Variants in ASIC2 observed in about 807,000 individuals in gnomAD.
ASIC2 encodes the protein acid sensing ion channel subunit 2.
In ASIC2, 25 loss-of-function variants were observed where a neutral mutation model predicts 57.3. The ratio of observed to expected loss-of-function variants is 0.44; its 90% CI spans 0.32 to 0.61. The LOEUF is 0.61. Ranked by LOEUF, ASIC2 falls within the 20% of genes least tolerant of loss-of-function variation. The pLI, the probability that ASIC2 is intolerant of heterozygous loss-of-function variation, is 0.06. For synonymous variants in ASIC2, 319 were observed against 307.5 expected, an observed-to-expected ratio of 1.04 and a Z score of -0.39; for missense variants, 641 against 738.1, an observed-to-expected ratio of 0.87 and a Z score of 1.52.
intron 2 of ASIC2, among the ~76,000 whole-genome samples, chr17:33,089,411 G>C (rs773198433): frequency 2.0e-5 from 3 of 152,190 alleles, no homozygotes; most frequent in Non-Finnish European, 2.9e-5. Context: ...TTTTCCCCTA[G>C]AGCTGCCAAA....
At chr17:33,221,619 C>T (rs1180979717) in intron 1 of ASIC2, among the ~76,000 whole-genome samples, 1 of 152,146 alleles carries the variant, frequency 6.6e-6, no homozygotes, top group East Asian at 1.9e-4. Flanking sequence ...GAATTCACTC[C>T]TTTCAGATCT....
chr17:33,821,443 G>A (rs772603523), intron 1 of ASIC2, among the ~76,000 whole-genome samples: 40 of 152,096 alleles, frequency 2.6e-4, no homozygotes, highest in Non-Finnish European at 4.7e-4. Flanking sequence ...GAGGCTTGGC[G>A]CATTTTGATC....
chr17:33,021,163 CCCTCCCT>C, intron 7 of ASIC2, 49 bp downstream of exon 7: 2 of 541,106 alleles, frequency 3.7e-6, no homozygotes, highest in African/African-American at 1.9e-5. Flanking sequence ...TGTGCATCCT[CCCTCCCT>C]CCCACCCTCT....
At position 34,096,607 on chromosome 17, in the gene ASIC2, C is replaced by T. The variant is rs138200962; in HGVS notation, c.555+59371G>A. Among the ~76,000 whole-genome samples, 7 of 152,120 alleles carry T rather than the reference C, an allele frequency of 4.6e-5. No homozygotes were observed. In the East Asian group the frequency reaches 1.4e-3, roughly 29 times the overall value. Reference sequence around the variant, plus strand: ...CCGGGCATGGTGGCTGTAATGCCAGCACTTTGGGAGGCCCAGGCAGGCGGA... The same window carrying T: ...CCGGGCATGGTGGCTGTAATGCCAGTACTTTGGGAGGCCCAGGCAGGCGGA... On this transcript the variant is annotated intron_variant, in intron 1 of 9. Coordinates refer to the ASIC2 transcript ENST00000359872.
intron 1 of ASIC2, among the ~76,000 whole-genome samples, chr17:33,782,588 G>C (rs1024288129): frequency 6.6e-6 from 1 of 152,048 alleles, no homozygotes; most frequent in Non-Finnish European, 1.5e-5. Context: ...AATTAGCTGG[G>C]CTTGGCGGCA....
chr17:33,288,291 G>A (rs917155381), intron 1 of ASIC2, among the ~76,000 whole-genome samples: 1 of 152,124 alleles, frequency 6.6e-6, no homozygotes, highest in African/African-American at 2.4e-5. Flanking sequence ...CCCCAGAGCT[G>A]CCTGTTGAGC....
intron 1 of ASIC2, among the ~76,000 whole-genome samples, chr17:33,334,412 TCTC>T (rs1480195578): frequency 1.3e-5 from 2 of 152,166 alleles, no homozygotes; most frequent in African/African-American, 2.4e-5. Flanking sequence ...TGCCTCCTCT[TCTC>T]CTACTTCTCT....
chr17:33,578,403 C>T (rs1354069901), intron 1 of ASIC2, among the ~76,000 whole-genome samples: 4 of 152,142 alleles, frequency 2.6e-5, no homozygotes, highest in South Asian at 2.1e-4. Flanking sequence ...TCTAAAATCT[C>T]TTCAGGCTCT....
intron 1 of ASIC2, among the ~76,000 whole-genome samples, chr17:33,155,560 C>T (rs1337040659): frequency 8.4e-5 from 10 of 118,902 alleles, no homozygotes; most frequent in South Asian, 2.7e-4. Flanking sequence ...TTCTTTCTTT[C>T]TTTCTTTTTT....
intron 1 of ASIC2, among the ~76,000 whole-genome samples, chr17:33,530,859 G>C (rs1286987627): frequency 6.6e-6 from 1 of 152,118 alleles, no homozygotes; most frequent in Non-Finnish European, 1.5e-5. Flanking sequence ...AAAGGTTTTC[G>C]AGTTCCTGCT....
chr17:33,602,567 A>G (rs1234723071), intron 1 of ASIC2, among the ~76,000 whole-genome samples: 6 of 152,202 alleles, frequency 3.9e-5, no homozygotes, highest in Admixed American at 3.9e-4. Flanking sequence ...TAAATTACCC[A>G]GTCTGTGGTA....
At chr17:33,093,126 A>G (rs2092164265) in intron 2 of ASIC2, among the ~76,000 whole-genome samples, 3 of 152,236 alleles carry the variant, frequency 2.0e-5, no homozygotes, top group African/African-American at 4.8e-5. Context: ...ATGAAAATGC[A>G]GGACCCCTTG....
At chr17:33,342,469 G>C (rs1263217557) in intron 1 of ASIC2, among the ~76,000 whole-genome samples, 1 of 152,060 alleles carries the variant, frequency 6.6e-6, no homozygotes, top group African/African-American at 2.4e-5. Flanking sequence ...CATGCATGTG[G>C]TATGTATATG....
chr17:33,886,282 A>G (rs1399135013), intron 1 of ASIC2, among the ~76,000 whole-genome samples: 2 of 151,974 alleles, frequency 1.3e-5, no homozygotes, highest in East Asian at 3.9e-4. Flanking sequence ...ATCACATCTC[A>G]TTGGCCAAGG....
chr17:33,597,349 C>T (rs922490885), intron 1 of ASIC2, among the ~76,000 whole-genome samples: 2 of 152,162 alleles, frequency 1.3e-5, no homozygotes, highest in African/African-American at 4.8e-5. Flanking sequence ...CTCCAAGTCT[C>T]TTTCTCTTAG....
chr17:33,149,323 G>A (rs947867428), intron 1 of ASIC2, among the ~76,000 whole-genome samples: 4 of 152,068 alleles, frequency 2.6e-5, no homozygotes, highest in Non-Finnish European at 5.9e-5. Flanking sequence ...GTTTCTATGT[G>A]TTTTTTATTT....
chr17:34,119,612 GACACACACACAC>G (rs71369048), intron 1 of ASIC2, among the ~76,000 whole-genome samples: 71,924 of 147,954 alleles, frequency 0.49, 20,097 homozygotes, highest in Middle Eastern at 0.64. Flanking sequence ...TCTCTACACA[GACACACACACAC>G]ACACACACAC....
chr17:33,671,336 T>A (rs1392093950), intron 1 of ASIC2, among the ~76,000 whole-genome samples: 1 of 151,996 alleles, frequency 6.6e-6, no homozygotes, highest in Non-Finnish European at 1.5e-5. Flanking sequence ...AGAAAAAAAC[T>A]CCTTCAATAA....
intron 1 of ASIC2, among the ~76,000 whole-genome samples, chr17:33,702,781 C>T (rs1352712770): frequency 6.6e-6 from 1 of 152,200 alleles, no homozygotes; most frequent in Non-Finnish European, 1.5e-5. Context: ...ATATAAGTGT[C>T]ATATGTTGCC....
Sources: allele counts gnomAD v4.1 joint callset (sites outside exome capture counted in the v4.1 genomes callset), GRCh38; gene constraint gnomAD v4.1.1; transcripts MANE v1.5; gene names NCBI Gene and HGNC (gene_info 2026-07-23, HGNC 2026-07-21).